Variants in SH3GL3 observed in about 807,000 individuals in gnomAD.
SH3GL3 encodes endophilin-A3.
Under a neutral mutation model 47.7 loss-of-function variants are expected in SH3GL3, and 33 were observed. The observed-to-expected ratio is 0.69, with a 90% CI of 0.52 to 0.92. SH3GL3 has a LOEUF of 0.92. SH3GL3 is among the 40% of genes least tolerant of loss of function. SH3GL3 has a pLI of 0.00. For synonymous variants in SH3GL3, 155 were observed against 148.8 expected (o/e 1.04, Z -0.30); for missense variants, 363 against 417.8 (o/e 0.87, Z 1.14).
At chr15:83,592,097 A>G (rs1357290083) in intron 8 of SH3GL3, among the ~76,000 whole-genome samples, 4 of 152,116 alleles carry the variant, frequency 2.6e-5, no homozygotes, top group Non-Finnish European at 5.9e-5. Flanking sequence ...ACTCTTTTAC[A>G]TATTTATTTG....
intron 1 of SH3GL3, among the ~76,000 whole-genome samples, chr15:83,472,775 C>T (rs539201630): frequency 6.6e-6 from 1 of 152,146 alleles, no homozygotes; most frequent in South Asian, 2.1e-4. Context: ...AAAATCTGGG[C>T]ATTTGGGGCT....
intron 1 of SH3GL3, among the ~76,000 whole-genome samples, chr15:83,470,621 C>T (rs897467224): frequency 1.3e-5 from 2 of 152,210 alleles, no homozygotes; most frequent in African/African-American, 2.4e-5. Context: ...AGACCACTTA[C>T]ATTTAATGTA....
chr15:83,532,424 G>A (rs2151679595), intron 1 of SH3GL3, among the ~76,000 whole-genome samples: 1 of 152,268 alleles, frequency 6.6e-6, no homozygotes. Flanking sequence ...TAATTGAGAA[G>A]TGTCTAAGGA....
downstream of SH3GL3, among the ~76,000 whole-genome samples, chr15:83,619,575 G>GT (rs1369902158): frequency 6.6e-6 from 1 of 152,186 alleles, no homozygotes; most frequent in African/African-American, 2.4e-5. Flanking sequence ...CTTAAGAAGA[G>GT]TTGTGTTTAC....
At chr15:83,529,404 GA>G (rs901587026) in intron 1 of SH3GL3, among the ~76,000 whole-genome samples, 5 of 152,132 alleles carry the variant, frequency 3.3e-5, no homozygotes, top group Non-Finnish European at 5.9e-5. Context: ...CCAGTGGCAG[GA>G]CAACCCTTAG....
At chr15:83,580,905 C>A (rs899625935) in intron 6 of SH3GL3, among the ~76,000 whole-genome samples, 1 of 152,156 alleles carries the variant, frequency 6.6e-6, no homozygotes, top group Non-Finnish European at 1.5e-5. Flanking sequence ...GAGGGCCTGG[C>A]GAGAGGACTT....
intron 2 of SH3GL3, among the ~76,000 whole-genome samples, chr15:83,561,385 A>G (rs1426420494): frequency 6.6e-6 from 1 of 152,194 alleles, no homozygotes; most frequent in Non-Finnish European, 1.5e-5. Context: ...AAGTAAAATG[A>G]CATTATTTAG....
intron 1 of SH3GL3, among the ~76,000 whole-genome samples, chr15:83,513,119 A>G (rs2042835799): frequency 6.6e-6 from 1 of 152,150 alleles, no homozygotes; most frequent in Non-Finnish European, 1.5e-5. Flanking sequence ...TGTATTTGCA[A>G]TGACTTTCCC....
rs1406408978 is a variant in SH3GL3 at position 83,447,625 on chromosome 15, G to C, written c.45+47G>C. 3 of 1,381,452 alleles carry C rather than the reference G, an allele frequency of 2.2e-6. No homozygotes were observed. Among genetic ancestry groups the C allele is most frequent in the Admixed American group, 2.5e-5 (1 of 39,502 alleles). 85.6% of individuals were successfully genotyped at this position (1,381,452 alleles called of 1,614,324 possible). A position where few individuals can be genotyped will look rare whatever the true frequency, so the allele number is the denominator to read the frequency against. On this transcript the variant is annotated intron_variant, in intron 1 of 8. Transcript: ENST00000427482. The surrounding 1 kb of genome is among the most constrained non-coding windows in gnomAD (Gnocchi z 5.1). Reference sequence around the variant, plus strand: ...AAGGAGGGAGGGGGACGCGGAGGCTGCGGCCCCCCGAGGCTCCCGGGCCTT... The same window carrying C: ...AAGGAGGGAGGGGGACGCGGAGGCTCCGGCCCCCCGAGGCTCCCGGGCCTT...
intron 8 of SH3GL3, among the ~76,000 whole-genome samples, chr15:83,610,647 C>G (rs900663653): frequency 1.3e-5 from 2 of 152,174 alleles, no homozygotes; most frequent in South Asian, 2.1e-4. Context: ...CGTGGACTCT[C>G]TACCTGGCCC....
At position 83,618,184 on chromosome 15, in the gene SH3GL3, T is replaced by G; in HGVS notation, c.941T>G (p.Leu314Ter). ...LGFKEGDIIT[L>*]TNQIDENWYE... Reference sequence around the variant, plus strand: ...TTTAAAGAAGGGGACATCATTACATTAACCAATCAAATAGATGAAAACTGG... The same window carrying G: ...TTTAAAGAAGGGGACATCATTACATGAACCAATCAAATAGATGAAAACTGG... The change falls in exon 9 of 9, where the codon TTA becomes TGA. Residue 314 changes from leucine to a stop codon, truncating the protein, a stop_gained. Coordinates refer to ENST00000427482, the MANE Select transcript of SH3GL3 (RefSeq NM_003027.5). LOFTEE classifies it high-confidence loss of function. 1 of 1,609,588 alleles carries G rather than the reference T, an allele frequency of 6.2e-7. No individual in the cohort carries two copies. The highest frequency in any genetic ancestry group is 1.1e-5 in the South Asian group (1 of 90,968).
intron 8 of SH3GL3, among the ~76,000 whole-genome samples, chr15:83,589,237 T>C (rs2060030197): frequency 6.6e-6 from 1 of 152,198 alleles, no homozygotes; most frequent in Non-Finnish European, 1.5e-5. Flanking sequence ...AGTCATTCTA[T>C]AGTCTCTTGT....
At chr15:83,543,005 C>CAGTAAA (rs1339265452) in intron 1 of SH3GL3, among the ~76,000 whole-genome samples, 1 of 151,696 alleles carries the variant, frequency 6.6e-6, no homozygotes, top group Non-Finnish European at 1.5e-5. Flanking sequence ...CTGATTACTC[C>CAGTAAA]AGTACTATGT....
Position 83,448,122 on chromosome 15 carries a change from C to G in SH3GL3, c.45+544C>G, listed in dbSNP as rs556020383. On this transcript the variant is annotated intron_variant, in intron 1 of 8. Coordinates refer to ENST00000427482, the MANE Select transcript of SH3GL3 (RefSeq NM_003027.5). The surrounding 1 kb of genome is among the most constrained non-coding windows in gnomAD (Gnocchi z 4.2). Reference sequence around the variant, plus strand: ...TGTGCCCGGCTCCCCGGCTGGGGCTCTCTACCGCGGTCCTTCCCCTCCCCA... The same window carrying G: ...TGTGCCCGGCTCCCCGGCTGGGGCTGTCTACCGCGGTCCTTCCCCTCCCCA... Among the ~76,000 whole-genome samples the G allele has an allele frequency of 5.1e-4, 78 of 152,328 alleles. No individual in the cohort carries two copies. Among genetic ancestry groups the G allele is most frequent in the Non-Finnish European group, 1.3e-4 (9 of 68,036 alleles).
chr15:83,615,092 A>G (rs2060778909), intron 8 of SH3GL3, among the ~76,000 whole-genome samples: 1 of 149,222 alleles, frequency 6.7e-6, no homozygotes, highest in Admixed American at 6.6e-5. Context: ...TAGGATGGCA[A>G]AAGTCACTTA....
chr15:83,449,393 A>G (rs1324719853), intron 1 of SH3GL3, among the ~76,000 whole-genome samples: 2 of 152,234 alleles, frequency 1.3e-5, no homozygotes, highest in Non-Finnish European at 2.9e-5. Context: ...AGAGCAGAGC[A>G]GAGCAGTGCC....
intron 8 of SH3GL3, among the ~76,000 whole-genome samples, chr15:83,592,165 G>C (rs538040745): frequency 6.6e-6 from 1 of 152,108 alleles, no homozygotes; most frequent in Non-Finnish European, 1.5e-5. Context: ...TGATTCTTCA[G>C]TTTGGATAAA....
At chr15:83,465,303 CTG>C (rs1175183249) in intron 1 of SH3GL3, among the ~76,000 whole-genome samples, 1 of 151,460 alleles carries the variant, frequency 6.6e-6, no homozygotes, top group African/African-American at 2.4e-5. Flanking sequence ...GAGCAAGACT[CTG>C]TCTCAAAATA....
intron 1 of SH3GL3, among the ~76,000 whole-genome samples, chr15:83,537,355 T>TA (rs1425127188): frequency 6.6e-6 from 1 of 152,228 alleles, no homozygotes; most frequent in Non-Finnish European, 1.5e-5. Flanking sequence ...GCTTAGTTGA[T>TA]AATATTAATG....
Sources: gnomAD v4.1 joint callset for allele counts (sites outside exome capture counted in the v4.1 genomes callset) on GRCh38, gnomAD v4.1.1 for gene constraint, Gnocchi (gnomAD v3.1) non-coding constraint, MANE v1.5 for transcripts, NCBI Gene and HGNC (gene_info 2026-07-23, HGNC 2026-07-21) for gene names.